The following DIP2C variants were observed in gnomAD, a reference collection of about 807,000 sequenced individuals.
DIP2C encodes the protein DIP2 acetate--CoA ligase C (putative), also known as disco-interacting protein 2 homolog C.
In DIP2C, 33 loss-of-function variants were observed where a neutral mutation model predicts 192.4. The ratio of observed to expected loss-of-function variants is 0.17; its 90% CI spans 0.13 to 0.23. The LOEUF (loss-of-function observed/expected upper bound fraction) is 0.23, where lower values mean the gene tolerates loss of function less well. DIP2C is among the 10% of genes least tolerant of loss of function. DIP2C has a pLI of 1.00. For missense variants in DIP2C, 1,537 were observed against 2,110.1 expected (o/e 0.73, Z 5.32); for synonymous variants, 979 against 864.1 (o/e 1.13, Z -2.33).
At chr10:357,576 A>C (rs1959142246) in intron 23 of DIP2C, among the ~76,000 whole-genome samples, 1 of 152,224 alleles carries the variant, frequency 6.6e-6, no homozygotes, top group African/African-American at 2.4e-5. Flanking sequence ...TTATGAAATT[A>C]TATGGTCTCT....
At chr10:302,923 G>C (rs1956119468) in intron 32 of DIP2C, among the ~76,000 whole-genome samples, 1 of 151,970 alleles carries the variant, frequency 6.6e-6, no homozygotes, top group Non-Finnish European at 1.5e-5. Context: ...TGTAAACACT[G>C]TACTTGTAAG....
chr10:344,739 A>T (rs1958345659), intron 28 of DIP2C, 70 bp downstream of exon 28: 1 of 1,320,834 alleles, frequency 7.6e-7, no homozygotes, highest in Admixed American at 2.0e-5. Flanking sequence ...GAGAGCCAGC[A>T]CGTGACCTGC....
At chr10:285,401 G>A (rs928512689) in intron 34 of DIP2C, among the ~76,000 whole-genome samples, 60 of 152,288 alleles carry the variant, frequency 3.9e-4, no homozygotes, top group African/African-American at 1.4e-3. Context: ...TCATGGGACA[G>A]GACAGGTGAT....
intron 24 of DIP2C, among the ~76,000 whole-genome samples, chr10:354,647 G>A (rs2132666760): frequency 6.6e-6 from 1 of 152,236 alleles, no homozygotes; most frequent in East Asian, 1.9e-4. Flanking sequence ...CAGAGATTCA[G>A]GGAGACTGAG....
intron 1 of DIP2C, among the ~76,000 whole-genome samples, chr10:498,597 T>C (rs1412485072): frequency 6.6e-6 from 1 of 152,222 alleles, no homozygotes; most frequent in Non-Finnish European, 1.5e-5. Context: ...AAGGGATGAC[T>C]GACTTCCATT....
chr10:414,739 G>GTGTGTGTA lies in DIP2C; in HGVS notation c.860-630_860-629insTACACACA. Among the ~76,000 whole-genome samples the GTGTGTGTA allele has an allele frequency of 3.9e-4, 35 of 90,538 alleles. 2 individuals carry two copies. The highest frequency in any genetic ancestry group is 1.0e-3 in the East Asian group (3 of 2,860). The allele number at this position is 90,538 out of a possible 152,430, so 59.4% of individuals were successfully genotyped here. A position where few individuals can be genotyped will look rare whatever the true frequency, so the allele number is the denominator to read the frequency against. ...TGTGTGTGTGTGTGTGTGTGTGTGT[G>GTGTGTGTA]TACATATATATATATATAATGTGTA... On this transcript the variant is annotated intron_variant, in intron 7 of 36. Coordinates refer to ENST00000280886, the MANE Select transcript of DIP2C (RefSeq NM_014974.3).
At chr10:349,197 T>TCCAGCTGGATGCTAA in intron 25 of DIP2C, 134 bp downstream of exon 25, 1 of 1,281,202 alleles carries the variant, frequency 7.8e-7, no homozygotes, top group Non-Finnish European at 1.0e-6. Context: ...CTGGTTAGCA[T>TCCAGCTGGATGCTAA]CCAGCTGGAT....
At chr10:354,671 CCT>C (rs1421453928) in intron 24 of DIP2C, among the ~76,000 whole-genome samples, 3 of 152,154 alleles carry the variant, frequency 2.0e-5, no homozygotes, top group African/African-American at 2.4e-5. Flanking sequence ...TGACTCTGCC[CCT>C]GACTGCTTGC....
chr10:349,197 T>C, intron 25 of DIP2C, 134 bp downstream of exon 25: 1 of 1,281,218 alleles, frequency 7.8e-7, no homozygotes, highest in Admixed American at 2.6e-5. Context: ...CTGGTTAGCA[T>C]CCAGCTGGAT....
chr10:390,019 G>A lies in DIP2C; in HGVS notation c.1569C>T (p.Ala523=), dbSNP rs759814046. ...TRTALLTHCQ[A]LTQACGYTEA... Reference sequence around the variant, plus strand: ...CCGTGTAGCCACACGCCTGCGTCAGGGCCTGGCAGTGTGTCAGCAGCGCAG... The same window carrying A: ...CCGTGTAGCCACACGCCTGCGTCAGAGCCTGGCAGTGTGTCAGCAGCGCAG... The change falls in exon 13 of 37, where the codon GCC becomes GCT. Residue 523 remains alanine, a synonymous_variant. Transcript: ENST00000280886. 2.4e-5 allele frequency: 39 copies of A among 1,613,898 alleles called. No homozygotes were observed. The highest frequency in any genetic ancestry group is 2.8e-5 in the Non-Finnish European group (33 of 1,179,954).
chr10:401,997 T>G (rs200769616), intron 9 of DIP2C, among the ~76,000 whole-genome samples: 1 of 142,112 alleles, frequency 7.0e-6, no homozygotes, highest in Non-Finnish European at 1.5e-5. Context: ...TTTACATGTG[T>G]GGTAGCATTA....
chr10:562,360 C>G (rs1292451364), intron 1 of DIP2C, among the ~76,000 whole-genome samples: 2 of 152,212 alleles, frequency 1.3e-5, no homozygotes, highest in Non-Finnish European at 2.9e-5. Flanking sequence ...ACAGGTGGAC[C>G]TTCTAGTGAA....
chr10:326,366 A>C (rs1039839247), intron 31 of DIP2C, among the ~76,000 whole-genome samples: 1 of 151,888 alleles, frequency 6.6e-6, no homozygotes, highest in Non-Finnish European at 1.5e-5. Flanking sequence ...TTAAGCAATC[A>C]CTCTGGGATC....
rs542067429 is a variant in DIP2C, at chr10:647,748, G to A, written c.85+41746C>T. ...GAGAACAGAGGGAAACTGAGTCCACGTCCACATTGGATGGTGGGAGAGAAC... is the reference window on the plus strand; with the variant it reads ...GAGAACAGAGGGAAACTGAGTCCACATCCACATTGGATGGTGGGAGAGAAC... On this transcript the variant is annotated intron_variant, in intron 1 of 36. Coordinates refer to ENST00000280886, the MANE Select transcript of DIP2C (RefSeq NM_014974.3). Among the ~76,000 whole-genome samples, 388 of 147,040 alleles carry A rather than the reference G, an allele frequency of 2.6e-3. 1 individual carries two copies. Among genetic ancestry groups the A allele is most frequent in the African/African-American group, 9.1e-3 (360 of 39,506 alleles).
chr10:582,060 T>A (rs1056548003), intron 1 of DIP2C, among the ~76,000 whole-genome samples: 1 of 151,674 alleles, frequency 6.6e-6, no homozygotes, highest in African/African-American at 2.4e-5. Flanking sequence ...CAGTTTACAA[T>A]AGGATTCCAG....
intron 17 of DIP2C, among the ~76,000 whole-genome samples, chr10:372,527 T>C (rs1003316855): frequency 6.6e-6 from 1 of 152,258 alleles, no homozygotes; most frequent in Non-Finnish European, 1.5e-5. Flanking sequence ...AATATGTTCA[T>C]ATTAGCCACG....
At chr10:332,171 T>C (rs1418737605) in intron 29 of DIP2C, among the ~76,000 whole-genome samples, 1 of 152,190 alleles carries the variant, frequency 6.6e-6, no homozygotes, top group Non-Finnish European at 1.5e-5. Context: ...AAGCTGGTCT[T>C]GAACGCCTAG....
At chr10:304,563 AC>A (rs1956215461) in intron 32 of DIP2C, among the ~76,000 whole-genome samples, 3 of 151,220 alleles carry the variant, frequency 2.0e-5, no homozygotes, top group Admixed American at 1.3e-4. Context: ...ATGCACACAC[AC>A]ACACACACAC....
chr10:616,677 G>C (rs1358263275), intron 1 of DIP2C, among the ~76,000 whole-genome samples: 4 of 152,192 alleles, frequency 2.6e-5, no homozygotes, highest in Non-Finnish European at 4.4e-5. Flanking sequence ...GACCACAGTG[G>C]ACATTCTACA....
Sources: gnomAD v4.1 joint callset for allele counts (sites outside exome capture counted in the v4.1 genomes callset) on GRCh38, gnomAD v4.1.1 for gene constraint, MANE v1.5 for transcripts, NCBI Gene and HGNC (gene_info 2026-07-23, HGNC 2026-07-21) for gene names.